LACTB: variants seen among roughly 807,000 people sequenced by gnomAD.
The protein encoded by LACTB is lactamase beta.
LACTB carries 35 observed loss-of-function variants against 50.2 expected under a neutral mutation model. That is an observed-to-expected ratio of 0.70 (90% CI 0.53 to 0.92). LACTB has a LOEUF of 0.92. Ranked by LOEUF, LACTB falls within the 40% of genes least tolerant of loss-of-function variation. The pLI, the probability that LACTB is intolerant of heterozygous loss-of-function variation, is 0.00. For synonymous variants in LACTB, 252 were observed against 268.2 expected (o/e 0.94, Z 0.59); for missense variants, 664 against 691.8 (o/e 0.96, Z 0.45).
In LACTB at chr15:63,141,759, C is replaced by G. The variant is rs2037231654; in HGVS notation, c.1598C>G (p.Thr533Ser). Reference protein sequence around the residue: ...CNMQSVGLNSTALKIALEFDK... With the variant: ...CNMQSVGLNSSALKIALEFDK... Reference sequence around the variant, plus strand: ...ATGCAATCTGTTGGCCTCAATAGCACCGCTTTGAAGATTGCCCTTGAATTT... The same window carrying G: ...ATGCAATCTGTTGGCCTCAATAGCAGCGCTTTGAAGATTGCCCTTGAATTT... The change falls in exon 6 of 6, where the codon ACC (threonine) becomes AGC (serine). Residue 533 changes from threonine (T) to serine (S), a missense_variant. Coordinates refer to ENST00000261893, the MANE Select transcript of LACTB (RefSeq NM_032857.5). 2 of 1,614,026 alleles carry G rather than the reference C, an allele frequency of 1.2e-6. No homozygotes were observed. The highest frequency in any genetic ancestry group is 1.7e-6 in the Non-Finnish European group (2 of 1,179,942).
At chr15:63,122,832 T>C (rs1252067747) in intron 2 of LACTB, 130 bp downstream of exon 2, 7 of 660,490 alleles carry the variant, frequency 1.1e-5, no homozygotes, top group Non-Finnish European at 1.3e-5. Flanking sequence ...AGAAAACATC[T>C]AACATAATAA....
In LACTB at chr15:63,122,158, C is replaced by A. The variant is rs943328168; in HGVS notation, c.287C>A (p.Pro96Gln). ...CTCGCCCCGTGGTCTCCGCAGACCC[C>A]GGCGCCGCCCTGCTCCAGGTGCTTC... ...QSLAPWSPQT[P>Q]APPCSRCFAR... Residue 96 changes from proline (P) to glutamine (Q), a missense_variant, in exon 1 of 6, where the codon CCG becomes CAG. Pro to Gln is a moderately conservative substitution (Grantham distance 76, BLOSUM62 -1). Coordinates refer to ENST00000261893, the MANE Select transcript of LACTB (RefSeq NM_032857.5). 1.1e-5 allele frequency: 17 copies of A among 1,514,850 alleles called. No individual in the cohort carries two copies. The highest frequency in any genetic ancestry group is 1.4e-5 in the Non-Finnish European group (16 of 1,139,242). The allele number at this position is 1,514,850 out of a possible 1,614,324, so 93.8% of individuals were successfully genotyped here.
At chr15:63,125,330 G>C (rs572351169) in intron 2 of LACTB, among the ~76,000 whole-genome samples, 1 of 152,114 alleles carries the variant, frequency 6.6e-6, no homozygotes, top group East Asian at 1.9e-4. Context: ...ACCACGCCTG[G>C]CTAATTTTTG....
intron 5 of LACTB, among the ~76,000 whole-genome samples, chr15:63,135,577 G>T (rs192665231): frequency 6.6e-6 from 1 of 152,192 alleles, no homozygotes; most frequent in East Asian, 1.9e-4. Flanking sequence ...AAAATCAGCC[G>T]GGCATGGTGG....
At chr15:63,136,047 T>C (rs1383134166) in intron 5 of LACTB, among the ~76,000 whole-genome samples, 1 of 150,962 alleles carries the variant, frequency 6.6e-6, no homozygotes, top group African/African-American at 2.4e-5. Context: ...CTTTTCTTTT[T>C]TTTTTTTTTT....
chr15:63,122,524 T>G (rs189796619), intron 1 of LACTB, 112 bp from the exon 2 acceptor site: 1 of 870,188 alleles, frequency 1.1e-6, no homozygotes, highest in Non-Finnish European at 1.9e-6. Context: ...GGGGCCCAGG[T>G]GGAGGGGGCG....
chr15:63,122,312 C>T, intron 1 of LACTB, 84 bp downstream of exon 1: 12 of 1,165,458 alleles, frequency 1.0e-5, no homozygotes, highest in East Asian at 5.2e-5. Context: ...GGACCCCACC[C>T]GGGGCGGCGG....
intron 4 of LACTB, 57 bp from the exon 5 acceptor site, chr15:63,129,428 G>A (rs966602892): frequency 3.9e-5 from 56 of 1,417,758 alleles, no homozygotes; most frequent in Admixed American, 7.4e-5. Context: ...TATTTTATAT[G>A]TTTTTGAATA....
chr15:63,141,775 C>T lies in LACTB; in HGVS notation c.1614C>T (p.Ala538=). 6.2e-7 allele frequency: 1 copy of T among 1,613,228 alleles called. No homozygotes were observed. The highest frequency in any genetic ancestry group is 8.5e-7 in the Non-Finnish European group (1 of 1,179,410). The change falls in exon 6 of 6, where the codon GCC becomes GCT. Residue 538 remains alanine (A), a synonymous_variant. Coordinates refer to ENST00000261893, the MANE Select transcript of LACTB (RefSeq NM_032857.5). ...TCAATAGCACCGCTTTGAAGATTGC[C>T]CTTGAATTTGATAAAGACAGATCAG... is the stretch of plus-strand genomic sequence containing the variant. ...VGLNSTALKI[A]LEFDKDRSD is the part of the protein sequence containing the mutation.
At chr15:63,134,691 C>T (rs1168867387) in intron 5 of LACTB, among the ~76,000 whole-genome samples, 1 of 152,090 alleles carries the variant, frequency 6.6e-6, no homozygotes, top group Non-Finnish European at 1.5e-5. Context: ...CAGGCATGTG[C>T]CTTGCTTTAC....
chr15:63,127,005 C>T lies in LACTB; in HGVS notation c.571C>T (p.His191Tyr). The T allele has an allele frequency of 6.2e-7, 1 of 1,611,022 alleles. No individual in the cohort carries two copies. The highest frequency in any genetic ancestry group is 8.5e-7 in the Non-Finnish European group (1 of 1,178,402). ...ACTGGATCTTGATATTCCAGTACAA[C>T]ATTATGTTCCCGAATTCCCAGAAAA... Reference protein sequence around the residue: ...GKLDLDIPVQHYVPEFPEKEY... With the variant: ...GKLDLDIPVQYYVPEFPEKEY... Residue 191 changes from histidine to tyrosine, a missense_variant, in exon 3 of 6, where the codon CAT (histidine) becomes TAT (tyrosine). Physicochemically the swap from His to Tyr is moderately conservative, Grantham distance 83. Coordinates refer to ENST00000261893, the MANE Select transcript of LACTB (RefSeq NM_032857.5).
intron 5 of LACTB, among the ~76,000 whole-genome samples, chr15:63,139,307 G>T (rs1270824884): frequency 6.6e-6 from 1 of 151,648 alleles, no homozygotes; most frequent in Non-Finnish European, 1.5e-5. Context: ...AGTGAGCTGA[G>T]ATTGTGCTGC....
intron 2 of LACTB, among the ~76,000 whole-genome samples, chr15:63,123,895 G>T (rs1374549209): frequency 6.6e-6 from 1 of 152,240 alleles, no homozygotes; most frequent in Non-Finnish European, 1.5e-5. Context: ...CAGCATCACA[G>T]GGAGACGGTT....
intron 2 of LACTB, among the ~76,000 whole-genome samples, chr15:63,125,016 G>T (rs1050929546): frequency 1.3e-5 from 2 of 151,696 alleles, no homozygotes; most frequent in Admixed American, 6.6e-5. Flanking sequence ...GGCGCAGTAG[G>T]GGTTTGAATT....
rs562305118 is a variant in LACTB, at chr15:63,136,187, G to A, written c.1119-5093G>A. ...CTTCCAAGTAGCTGGAACTACAGAT[G>A]TGTGCCACCACACCTGGCTGATTTT... On this transcript the variant is annotated intron_variant, in intron 5 of 5. Transcript: ENST00000261893. Among the ~76,000 whole-genome samples the A allele has an allele frequency of 9.0e-4, 137 of 152,118 alleles. 2 individuals carry two copies. The South Asian group carries it at 0.027, about 30-fold the overall frequency.
rs1595719508 is a variant in LACTB at position 63,141,955 on chromosome 15, T to C, written c.*150T>C. ...TACCTCTAATTGCTTAATTTTGTAA[T>C]GGTCTTTTATTGTAGAATTGGTTCT... On this transcript the variant is annotated 3_prime_UTR_variant, in exon 6 of 6. Transcript: ENST00000261893. 4.7e-6 allele frequency: 3 copies of C among 631,852 alleles called. No homozygotes were observed. Among genetic ancestry groups the C allele is most frequent in the East Asian group, 2.8e-5 (1 of 36,214 alleles). 39.1% of individuals were successfully genotyped at this position (631,852 alleles called of 1,614,324 possible). A position where few individuals can be genotyped will look rare whatever the true frequency, so the allele number is the denominator to read the frequency against.
rs752336094 is a variant in LACTB, at chr15:63,127,501, A to G, written c.764A>G (p.Lys255Arg). Residue 255 changes from lysine to arginine, a missense_variant, in exon 4 of 6, where the codon AAA (lysine) becomes AGA (arginine). Lys to Arg is a conservative substitution (Grantham distance 26). Coordinates refer to ENST00000261893, the MANE Select transcript of LACTB (RefSeq NM_032857.5). ...GCATTTGAGCAAGAAAAAGAAGGCA[A>G]AAGTAATGAAAAGAATGATTTTACT... Reference protein sequence around the residue: ...NVAFEQEKEGKSNEKNDFTKF... With the variant: ...NVAFEQEKEGRSNEKNDFTKF... The G allele has an allele frequency of 8.1e-6, 13 of 1,613,842 alleles. No individual in the cohort carries two copies. Among genetic ancestry groups the G allele is most frequent in the Non-Finnish European group, 1.1e-5 (13 of 1,179,902 alleles).
intron 5 of LACTB, among the ~76,000 whole-genome samples, chr15:63,138,218 C>T (rs554820408): frequency 6.6e-6 from 1 of 152,188 alleles, no homozygotes; most frequent in African/African-American, 2.4e-5. Flanking sequence ...GCCAGCTACT[C>T]AGGAGGCTGA....
intron 5 of LACTB, among the ~76,000 whole-genome samples, chr15:63,135,750 T>C (rs1403147441): frequency 6.6e-6 from 1 of 152,234 alleles, no homozygotes; most frequent in African/African-American, 2.4e-5. Flanking sequence ...AAGTTGTCAG[T>C]TGAATCTAAA....
Sources: allele counts gnomAD v4.1 joint callset (sites outside exome capture counted in the v4.1 genomes callset), GRCh38; gene constraint gnomAD v4.1.1; transcripts MANE v1.5; gene names NCBI Gene and HGNC (gene_info 2026-07-23, HGNC 2026-07-21).